NCOA3: variants seen among roughly 807,000 people sequenced by gnomAD.
The protein encoded by NCOA3 is nuclear receptor coactivator 3.
A neutral mutation model predicts 158.8 loss-of-function variants in NCOA3; 51 were observed. The ratio of observed to expected loss-of-function variants is 0.32; its 90% CI spans 0.26 to 0.41. The LOEUF (loss-of-function observed/expected upper bound fraction) is 0.41. Ranked by LOEUF, NCOA3 falls within the 10% of genes least tolerant of loss-of-function variation. The pLI, the probability that NCOA3 is intolerant of heterozygous loss-of-function variation, is 1.00. For missense variants in NCOA3, 1,510 were observed against 1,746.6 expected (o/e 0.86, Z 2.41); for synonymous variants, 537 against 592.4 (o/e 0.91, Z 1.36).
intron 1 of NCOA3, among the ~76,000 whole-genome samples, chr20:47,525,267 C>T (rs1236076984): frequency 2.6e-5 from 4 of 151,620 alleles, no homozygotes; most frequent in African/African-American, 9.7e-5. Flanking sequence ...CACCGATCAA[C>T]AGGATCCCAA....
At position 47,627,120 on chromosome 20, in the gene NCOA3, A is replaced by C; in HGVS notation, c.476A>C (p.Asn159Thr). Residue 159 changes from asparagine to threonine, a missense_variant, in exon 6 of 23, where the codon AAT becomes ACT. Asn to Thr is a moderately conservative substitution (Grantham distance 65, BLOSUM62 0). Around this residue, in one of 4 missense-constraint regions of NCOA3, gnomAD observed 309 missense variants for 427.1 expected, o/e 0.72. Transcript: ENST00000371998. ...QEDLVNTSVY[N>T]ILHEEDRKDF... ...GACCTGGTTAACACAAGTGTTTACA[A>C]TATCTTACATGAAGAAGACAGAAAG... 6.2e-7 allele frequency: 1 copy of C among 1,612,468 alleles called. No individual in the cohort carries two copies. The highest frequency in any genetic ancestry group is 8.5e-7 in the Non-Finnish European group (1 of 1,179,002).
intron 1 of NCOA3, among the ~76,000 whole-genome samples, chr20:47,564,449 T>G (rs1263843829): frequency 1.3e-5 from 2 of 152,154 alleles, no homozygotes; most frequent in African/African-American, 4.8e-5. Context: ...TGGGGATATA[T>G]TCAACAAACA....
chr20:47,595,342 C>T (rs1731201823), intron 2 of NCOA3, among the ~76,000 whole-genome samples: 1 of 152,144 alleles, frequency 6.6e-6, no homozygotes, highest in Admixed American at 6.5e-5. Flanking sequence ...AGGTGATCCG[C>T]CCGCCTTGGC....
chr20:47,527,131 T>C (rs943737742), intron 1 of NCOA3, among the ~76,000 whole-genome samples: 2 of 152,242 alleles, frequency 1.3e-5, no homozygotes, highest in African/African-American at 4.8e-5. Flanking sequence ...TGATCATGTC[T>C]GTGAATAAAG....
chr20:47,574,488 A>T (rs927159187), intron 1 of NCOA3, among the ~76,000 whole-genome samples: 1 of 144,094 alleles, frequency 6.9e-6, no homozygotes. Context: ...GTATATTTTG[A>T]TTTTTTTTTT....
intron 1 of NCOA3, among the ~76,000 whole-genome samples, chr20:47,507,645 T>A (rs2084050347): frequency 6.6e-6 from 1 of 151,952 alleles, no homozygotes; most frequent in Non-Finnish European, 1.5e-5. Context: ...TGAGATGGAG[T>A]TTCACTCTTG....
chr20:47,605,789 A>G (rs565511616), intron 2 of NCOA3, among the ~76,000 whole-genome samples: 1 of 152,302 alleles, frequency 6.6e-6, no homozygotes, highest in Admixed American at 6.5e-5. Flanking sequence ...AAGTTAATAC[A>G]AAATTCGTAT....
intron 12 of NCOA3, among the ~76,000 whole-genome samples, chr20:47,637,059 A>G (rs75955276): frequency 6.7e-6 from 1 of 149,998 alleles, no homozygotes; most frequent in East Asian, 1.9e-4. Flanking sequence ...AGTAATCAGG[A>G]AAAAAAAAAC....
Position 47,636,673 on chromosome 20 carries a change from G to C in NCOA3, c.2287G>C (p.Asp763His). ...KELQPQVEGVDNKMSQCTSST... is the reference protein window; with the variant it reads ...KELQPQVEGVHNKMSQCTSST... ...ACTACAGCCCCAAGTGGAAGGAGTG[G>C]ATAATAAAATGAGTCAGTGCACCAG... Residue 763 changes from aspartate (D) to histidine (H), a missense_variant, in exon 12 of 23, where the codon GAT becomes CAT. Physicochemically the swap from Asp to His is moderately conservative, Grantham distance 81 (BLOSUM62 -1). Transcript: ENST00000371998. 6.2e-7 allele frequency: 1 copy of C among 1,614,120 alleles called. No homozygotes were observed. The highest frequency in any genetic ancestry group is 8.5e-7 in the Non-Finnish European group (1 of 1,179,988).
chr20:47,520,829 G>T (rs555930816), intron 1 of NCOA3, among the ~76,000 whole-genome samples: 37 of 152,244 alleles, frequency 2.4e-4, no homozygotes, highest in African/African-American at 8.7e-4. Context: ...GGAGAATTAG[G>T]CCCCTCTTAG....
chr20:47,527,997 A>G (rs1380431177), intron 1 of NCOA3, among the ~76,000 whole-genome samples: 10 of 152,196 alleles, frequency 6.6e-5, no homozygotes, highest in Admixed American at 5.2e-4. Flanking sequence ...TTCTTAGGAA[A>G]AAAACTCATT....
rs72645252 is a variant in NCOA3, at chr20:47,627,687, G to T, written c.659G>T (p.Arg220Ile). Residue 220 changes from arginine to isoleucine, a missense_variant, in exon 7 of 23, where the codon AGA becomes ATA. Physicochemically the swap from Arg to Ile is moderately conservative, Grantham distance 97 (BLOSUM62 -3). Coordinates refer to ENST00000371998, the MANE Select transcript of NCOA3 (RefSeq NM_181659.3). ...AACGCCAGTCCTGAAATGCGCCAGA[G>T]ATATGAAACAATGCAGTGCTTTGCC... Reference protein sequence around the residue: ...DINASPEMRQRYETMQCFALS... With the variant: ...DINASPEMRQIYETMQCFALS... The T allele has an allele frequency of 5.6e-6, 9 of 1,614,062 alleles. No individual in the cohort carries two copies. The African/African-American group carries it at 8.0e-5, about 14-fold the overall frequency.
chr20:47,548,699 C>T (rs554588140), intron 1 of NCOA3, among the ~76,000 whole-genome samples: 4 of 152,204 alleles, frequency 2.6e-5, no homozygotes, highest in African/African-American at 9.6e-5. Context: ...ATTATGCCTT[C>T]TCAATGTTTT....
intron 1 of NCOA3, among the ~76,000 whole-genome samples, chr20:47,577,702 A>G (rs1400920208): frequency 6.6e-6 from 1 of 152,242 alleles, no homozygotes; most frequent in Non-Finnish European, 1.5e-5. Flanking sequence ...ATTCTAATAG[A>G]TACACAGCAA....
At chr20:47,565,452 CAT>C (rs2085177585) in intron 1 of NCOA3, among the ~76,000 whole-genome samples, 1 of 152,154 alleles carries the variant, frequency 6.6e-6, no homozygotes. Flanking sequence ...CAGTGACTCA[CAT>C]CTGTAATCCC....
intron 2 of NCOA3, among the ~76,000 whole-genome samples, chr20:47,612,080 G>C (rs1277023064): frequency 1.3e-5 from 2 of 152,114 alleles, no homozygotes; most frequent in Non-Finnish European, 2.9e-5. Context: ...TCTCATCTTG[G>C]CCTCCCAAAG....
chr20:47,634,055 T>G lies in NCOA3; in HGVS notation c.972T>G (p.Leu324=), dbSNP rs375746912. The part of the protein sequence containing the change: ...SQKRHYQEAY[L]NGHAETPVYR... ...GGATATTTTCCCCAACAGCTTATCTTAATGGCCATGCAGAAACCCCAGTAT... is the reference window on the plus strand; with the variant it reads ...GGATATTTTCCCCAACAGCTTATCTGAATGGCCATGCAGAAACCCCAGTAT... The change falls in exon 10 of 23, where the codon CTT becomes CTG. Residue 324 remains leucine (L), a synonymous_variant. Transcript: ENST00000371998. The G allele has an allele frequency of 9.2e-5, 149 of 1,613,982 alleles. No individual in the cohort carries two copies. Among genetic ancestry groups the G allele is most frequent in the Non-Finnish European group, 1.2e-4 (139 of 1,180,000 alleles).
chr20:47,644,307 T>G (rs1488584075), intron 17 of NCOA3, among the ~76,000 whole-genome samples: 1 of 151,800 alleles, frequency 6.6e-6, no homozygotes, highest in Non-Finnish European at 1.5e-5. Context: ...ACCTGGCTAA[T>G]TTTTTGTATT....
intron 1 of NCOA3, among the ~76,000 whole-genome samples, chr20:47,503,365 A>T (rs1417659808): frequency 1.3e-5 from 2 of 152,210 alleles, no homozygotes; most frequent in African/African-American, 4.8e-5. Context: ...TTTTAAATGT[A>T]TGCTCATTTA....
Sources: allele counts gnomAD v4.1 joint callset (sites outside exome capture counted in the v4.1 genomes callset), GRCh38; gene constraint gnomAD v4.1.1; regional missense constraint gnomAD v4.1.1; transcripts MANE v1.5; gene names NCBI Gene and HGNC (gene_info 2026-07-23, HGNC 2026-07-21).